Variants in CPD observed in about 807,000 individuals in gnomAD.
CPD encodes the protein carboxypeptidase D.
CPD carries 69 observed loss-of-function variants against 138.3 expected under a neutral mutation model. The observed-to-expected ratio is 0.50, with a 90% CI of 0.41 to 0.61. The LOEUF is 0.61. Among genes scored for constraint, CPD ranks in the 20% least tolerant of loss-of-function variants. CPD has a pLI of 0.00. For synonymous variants in CPD, 651 were observed against 642.1 expected, an observed-to-expected ratio of 1.01 and a Z score of -0.21; for missense variants, 1,432 against 1,733.3, an observed-to-expected ratio of 0.83 and a Z score of 3.09.
At chr17:30,447,429 AT>A (rs1430484645) in intron 12 of CPD, 2 of 152,196 alleles carry the variant, frequency 1.3e-5, no homozygotes, top group African/African-American at 2.4e-5. Flanking sequence ...TACTTGTTAG[AT>A]TAGAAGTAGA....
intron 8 of CPD, among the ~76,000 whole-genome samples, chr17:30,436,100 AT>A (rs1328513519): frequency 6.6e-6 from 1 of 152,146 alleles, no homozygotes; most frequent in Non-Finnish European, 1.5e-5. Context: ...ACTTCAATAT[AT>A]TTTTGGAGGA....
In CPD at chr17:30,449,541, G is replaced by T. The variant is rs1298242075; in HGVS notation, c.2874-12G>T. 5.1e-6 allele frequency: 8 copies of T among 1,563,214 alleles called. No homozygotes were observed. The Admixed American group carries it at 6.7e-5, about 13-fold the overall frequency. On this transcript the variant is annotated splice_polypyrimidine_tract_variant and intron_variant, in intron 12 of 20. Coordinates refer to ENST00000225719, the MANE Select transcript of CPD (RefSeq NM_001304.5). ...ATTACTTGCTGATTTTTTTGTTTCT[G>T]GTTTTTGAAAGTTTGGGACAGAGCA...
rs1209162551 is a variant in CPD, at chr17:30,467,143, T to C, written c.*2329T>C. 6.6e-5 allele frequency: 10 copies of C among 152,618 alleles called. No individual in the cohort carries two copies. The allele number at this position is 152,618 out of a possible 1,614,324, so 9.5% of individuals were successfully genotyped here. A position where few individuals can be genotyped will look rare whatever the true frequency, so the allele number is the denominator to read the frequency against. Reference sequence around the variant, plus strand: ...CATTGAAGCCATATGGGATGGGGAATGCATTTCTTCAGTGTTTCTCCGAGA... The same window carrying C: ...CATTGAAGCCATATGGGATGGGGAACGCATTTCTTCAGTGTTTCTCCGAGA... On this transcript the variant is annotated 3_prime_UTR_variant, in exon 21 of 21. Transcript: ENST00000225719.
chr17:30,420,896 A>G lies in CPD; in HGVS notation c.1050A>G (p.Glu350=). The change falls in exon 3 of 21, where the codon GAA becomes GAG. Residue 350 remains glutamate (E), a synonymous_variant. Transcript: ENST00000225719. ...VWANCFEITL[E]LSCCKYPPAS... is the part of the protein sequence containing the mutation. ...CCAACTGTTTTGAGATCACATTAGA[A>G]CTGTCTTGTTGCAAGTACCCACCTG... 6.2e-7 allele frequency: 1 copy of G among 1,613,740 alleles called. No individual in the cohort carries two copies. The highest frequency in any genetic ancestry group is 1.1e-5 in the South Asian group (1 of 91,040).
At chr17:30,387,281 C>T (rs1911217550) in intron 2 of CPD, among the ~76,000 whole-genome samples, 1 of 152,044 alleles carries the variant, frequency 6.6e-6, no homozygotes, top group African/African-American at 2.4e-5. Flanking sequence ...CCAGGCCCAG[C>T]TAATTTTTTG....
chr17:30,380,083 A>C (rs1012175531), intron 1 of CPD, among the ~76,000 whole-genome samples: 3 of 152,230 alleles, frequency 2.0e-5, no homozygotes, highest in Non-Finnish European at 2.9e-5. Context: ...TTGTTATCTT[A>C]TATCAAAAGT....
intron 7 of CPD, among the ~76,000 whole-genome samples, chr17:30,430,255 A>G (rs1414681369): frequency 6.6e-6 from 1 of 152,018 alleles, no homozygotes; most frequent in East Asian, 1.9e-4. Flanking sequence ...ATCTCCGCAA[A>G]AGGATACCCC....
Position 30,464,986 on chromosome 17 carries a change from T to A in CPD, c.*172T>A. ...TTCACTGGCAGTTTTGAACTTCCCT[T>A]CCTTAAAGTACTCTAAACCTTTAAA... On this transcript the variant is annotated 3_prime_UTR_variant, in exon 21 of 21. Transcript: ENST00000225719. 1 of 606,314 alleles carries A rather than the reference T, an allele frequency of 1.6e-6. No individual in the cohort carries two copies. The allele number at this position is 606,314 out of a possible 1,614,324, so 37.6% of individuals were successfully genotyped here. A position where few individuals can be genotyped will look rare whatever the true frequency, so the allele number is the denominator to read the frequency against.
intron 2 of CPD, among the ~76,000 whole-genome samples, chr17:30,386,542 T>A (rs1460930803): frequency 6.6e-6 from 1 of 152,180 alleles, no homozygotes; most frequent in Non-Finnish European, 1.5e-5. Context: ...CACCACTATT[T>A]CTAAAACTTG....
At chr17:30,461,073 G>A (rs778666238) in intron 17 of CPD, 107 bp from the exon 18 acceptor site, 79 of 784,622 alleles carry the variant, frequency 1.0e-4, no homozygotes, top group Non-Finnish European at 1.4e-4. Flanking sequence ...CTTTGTTTAC[G>A]TCAGCTACGT....
At chr17:30,425,170 C>T (rs1392497485) in intron 6 of CPD, among the ~76,000 whole-genome samples, 1 of 152,090 alleles carries the variant, frequency 6.6e-6, no homozygotes, top group East Asian at 1.9e-4. Context: ...GCTCCCACTC[C>T]CTATTAAAAT....
At chr17:30,392,896 T>C (rs1911397561) in intron 2 of CPD, among the ~76,000 whole-genome samples, 1 of 152,198 alleles carries the variant, frequency 6.6e-6, no homozygotes, top group African/African-American at 2.4e-5. Flanking sequence ...GTCAGAAATA[T>C]AGTTGTCAGG....
At position 30,422,706 on chromosome 17, in the gene CPD, T is replaced by C. The variant is rs1912298047; in HGVS notation, c.1340T>C (p.Val447Ala). ...YMPLTVTNVV[V>A]KEGPATEVDF... Reference sequence around the variant, plus strand: ...CCATTGACTGTTACTAATGTAGTGGTGAAAGAAGGACCAGCCACAGAGGTG... The same window carrying C: ...CCATTGACTGTTACTAATGTAGTGGCGAAAGAAGGACCAGCCACAGAGGTG... Residue 447 changes from valine to alanine, a missense_variant, in exon 5 of 21, where the codon GTG (valine) becomes GCG (alanine). This residue lies in a region of CPD where 160 missense variants were observed against 197.9 expected (regional missense o/e 0.81). Coordinates refer to ENST00000225719, the MANE Select transcript of CPD (RefSeq NM_001304.5). The C allele has an allele frequency of 6.2e-7, 1 of 1,613,280 alleles. No individual in the cohort carries two copies. The highest frequency in any genetic ancestry group is 8.5e-7 in the Non-Finnish European group (1 of 1,179,642).
At chr17:30,413,720 A>T (rs1023544525) in intron 2 of CPD, among the ~76,000 whole-genome samples, 1 of 152,218 alleles carries the variant, frequency 6.6e-6, no homozygotes, top group Non-Finnish European at 1.5e-5. Flanking sequence ...TAGATAGTAA[A>T]CACAGTAGGT....
At chr17:30,457,777 C>G (rs1300292626) in intron 17 of CPD, among the ~76,000 whole-genome samples, 1 of 152,190 alleles carries the variant, frequency 6.6e-6, no homozygotes, top group Non-Finnish European at 1.5e-5. Flanking sequence ...GCAATCCCCC[C>G]ACCTCAGCCT....
chr17:30,451,562 A>T (rs1311827176), intron 13 of CPD, 149 bp from the exon 14 acceptor site: 2 of 708,762 alleles, frequency 2.8e-6, no homozygotes, highest in Admixed American at 3.3e-5. Context: ...AGCAAAAGGA[A>T]ATTTAATTTT....
At chr17:30,420,486 A>G (rs983711303) in intron 2 of CPD, among the ~76,000 whole-genome samples, 1 of 152,184 alleles carries the variant, frequency 6.6e-6, no homozygotes, top group African/African-American at 2.4e-5. Context: ...TAATTGCTGT[A>G]AAGATTAAAT....
At chr17:30,451,885 T>C (rs754687634) in intron 14 of CPD, 39 bp downstream of exon 14, 4 of 1,584,386 alleles carry the variant, frequency 2.5e-6, no homozygotes, top group African/African-American at 1.4e-5. Context: ...ACTTAGGAGA[T>C]AATTTTCTTT....
intron 2 of CPD, among the ~76,000 whole-genome samples, chr17:30,418,272 C>T (rs1912171614): frequency 6.6e-6 from 1 of 152,058 alleles, no homozygotes; most frequent in Admixed American, 6.5e-5. Flanking sequence ...CCTTGAACTC[C>T]TGAGCTTAAG....
Sources: gnomAD v4.1 joint callset for allele counts (sites outside exome capture counted in the v4.1 genomes callset) on GRCh38, gnomAD v4.1.1 for gene constraint, gnomAD v4.1.1 regional missense constraint, MANE v1.5 for transcripts, NCBI Gene and HGNC (gene_info 2026-07-23, HGNC 2026-07-21) for gene names.